FGF14: variants seen among roughly 807,000 people sequenced by gnomAD.
The protein encoded by FGF14 is fibroblast growth factor 14.
In FGF14, 5 loss-of-function variants were observed where a neutral mutation model predicts 25.5. The observed-to-expected ratio is 0.20, with a 90% CI of 0.10 to 0.41. The LOEUF (loss-of-function observed/expected upper bound fraction) is 0.41. Ranked by LOEUF, FGF14 falls within the 10% of genes least tolerant of loss-of-function variation. The probability of loss-of-function intolerance (pLI) is 1.00; values close to 1 mark genes in which losing one functional copy is unlikely to be tolerated. For synonymous variants in FGF14, 138 were observed against 118.3 expected, an observed-to-expected ratio of 1.17 and a Z score of -1.08; for missense variants, 222 against 320.1, an observed-to-expected ratio of 0.69 and a Z score of 2.34.
intron 3 of FGF14, among the ~76,000 whole-genome samples, chr13:101,815,025 G>A (rs765844451): frequency 6.6e-6 from 1 of 152,200 alleles, no homozygotes; most frequent in Non-Finnish European, 1.5e-5. Flanking sequence ...TACCAACAAG[G>A]TGGGTATCTA....
intron 3 of FGF14, among the ~76,000 whole-genome samples, chr13:101,812,863 C>T (rs2140193514): frequency 6.6e-6 from 1 of 151,282 alleles, no homozygotes; most frequent in African/African-American, 2.4e-5. Context: ...GATGGGGTTT[C>T]ACCATGTTGG....
chr13:101,790,982 G>C (rs1328223077), intron 3 of FGF14, among the ~76,000 whole-genome samples: 1 of 152,120 alleles, frequency 6.6e-6, no homozygotes, highest in Non-Finnish European at 1.5e-5. Context: ...GTTTTCTTTT[G>C]TTCTATCAAT....
chr13:102,197,334 T>C (rs1189270195), intron 1 of FGF14, among the ~76,000 whole-genome samples: 1 of 152,066 alleles, frequency 6.6e-6, no homozygotes, highest in African/African-American at 2.4e-5. Flanking sequence ...CAGCACCAAG[T>C]ACTACTGCCC....
At chr13:102,116,513 G>T (rs958027520) in intron 1 of FGF14, among the ~76,000 whole-genome samples, 1 of 152,118 alleles carries the variant, frequency 6.6e-6, no homozygotes, top group Non-Finnish European at 1.5e-5. Context: ...CTGATGTTAT[G>T]TCACAACATA....
intron 3 of FGF14, among the ~76,000 whole-genome samples, chr13:101,794,782 G>A (rs1382504538): frequency 6.6e-6 from 1 of 152,048 alleles, no homozygotes; most frequent in Non-Finnish European, 1.5e-5. Flanking sequence ...ACAATAGCTC[G>A]TGTTCAAGGT....
chr13:102,397,025 T>C (rs2058601751), intron 1 of FGF14, among the ~76,000 whole-genome samples: 1 of 152,196 alleles, frequency 6.6e-6, no homozygotes, highest in South Asian at 2.1e-4. Flanking sequence ...CAGTCTGAAT[T>C]TGATGTTTTC....
chr13:102,055,690 C>G (rs1046259539), intron 1 of FGF14, among the ~76,000 whole-genome samples: 4 of 152,178 alleles, frequency 2.6e-5, no homozygotes, highest in Non-Finnish European at 5.9e-5. Context: ...GGGGGCATAG[C>G]ACAACACAGG....
intron 3 of FGF14, among the ~76,000 whole-genome samples, chr13:101,838,049 C>A (rs139318436): frequency 2.0e-3 from 303 of 152,038 alleles, no homozygotes; most frequent in African/African-American, 6.8e-3. Flanking sequence ...AGTTCTTCAG[C>A]TTTGGGATTC....
At chr13:102,346,924 A>G (rs2057124285) in intron 1 of FGF14, among the ~76,000 whole-genome samples, 1 of 152,208 alleles carries the variant, frequency 6.6e-6, no homozygotes, top group African/African-American at 2.4e-5. Context: ...AAGAACAGCC[A>G]TATTCTAATG....
chr13:101,736,607 A>G (rs925645668), intron 3 of FGF14, among the ~76,000 whole-genome samples: 1 of 152,154 alleles, frequency 6.6e-6, no homozygotes, highest in African/African-American at 2.4e-5. Context: ...CCACTGCTCT[A>G]TTATACATGG....
At chr13:101,968,352 T>C (rs2037352802) in intron 1 of FGF14, among the ~76,000 whole-genome samples, 1 of 152,116 alleles carries the variant, frequency 6.6e-6, no homozygotes, top group Admixed American at 6.6e-5. Context: ...CAAAATCTTA[T>C]TTTAACAGCT....
intron 3 of FGF14, among the ~76,000 whole-genome samples, chr13:101,824,730 C>A (rs568835634): frequency 6.6e-6 from 1 of 152,068 alleles, no homozygotes; most frequent in African/African-American, 2.4e-5. Context: ...CCAGAGGAAC[C>A]GACCACGTGA....
intron 1 of FGF14, among the ~76,000 whole-genome samples, chr13:102,305,991 G>T (rs2055354563): frequency 6.6e-6 from 1 of 152,126 alleles, no homozygotes; most frequent in African/African-American, 2.4e-5. Flanking sequence ...TCAATGCCCT[G>T]CCCTGCCCAC....
At chr13:101,955,597 T>C (rs1477730686) in intron 1 of FGF14, among the ~76,000 whole-genome samples, 1 of 152,218 alleles carries the variant, frequency 6.6e-6, no homozygotes, top group Admixed American at 6.5e-5. Context: ...GCATTGGATG[T>C]GCGTGACACG....
chr13:102,337,190 A>C lies in FGF14; in HGVS notation c.208+64281T>G, dbSNP rs373181775. On this transcript the variant is annotated intron_variant, in intron 1 of 4. Coordinates refer to the FGF14 transcript ENST00000376131. ...CATTAAAAACATCTGGAAAGGATCC[A>C]CTGTTCCAGATGTCATTAAGAATAT... 8.5e-5 allele frequency among the ~76,000 whole-genome samples: 13 copies of C among 152,334 alleles called. No individual in the cohort carries two copies. In the East Asian group the frequency reaches 2.1e-3, roughly 25 times the overall value.
intron 1 of FGF14, among the ~76,000 whole-genome samples, chr13:102,383,923 C>G (rs1232110419): frequency 6.6e-6 from 1 of 152,010 alleles, no homozygotes; most frequent in Non-Finnish European, 1.5e-5. Context: ...ATTTTAATAT[C>G]TTTTTTAAAA....
chr13:102,359,887 T>C (rs1040288526), intron 1 of FGF14, among the ~76,000 whole-genome samples: 8 of 149,818 alleles, frequency 5.3e-5, no homozygotes, highest in African/African-American at 2.0e-4. Flanking sequence ...GGGAAAATAA[T>C]TTGCTGTGTT....
intron 3 of FGF14, among the ~76,000 whole-genome samples, chr13:101,836,954 G>C (rs1266909793): frequency 1.3e-5 from 2 of 151,980 alleles, no homozygotes; most frequent in African/African-American, 4.8e-5. Flanking sequence ...TTTTTAATTA[G>C]AATTGATAGC....
At position 102,391,732 on chromosome 13, in the gene FGF14, G is replaced by C. The variant is rs549080325; in HGVS notation, c.208+9739C>G. On this transcript the variant is annotated intron_variant, in intron 1 of 4. Coordinates refer to the FGF14 transcript ENST00000376131. ...ACTCATTTAGCAATGAAGGAGGAAA[G>C]AGCATATTGTGTTACTGCTTTCAAT... Among the ~76,000 whole-genome samples the C allele has an allele frequency of 7.9e-5, 12 of 152,326 alleles. No individual in the cohort carries two copies. In the South Asian group the frequency reaches 2.1e-3, roughly 26 times the overall value.
Sources: gnomAD v4.1 joint callset for allele counts (sites outside exome capture counted in the v4.1 genomes callset) on GRCh38, gnomAD v4.1.1 for gene constraint, MANE v1.5 for transcripts, NCBI Gene and HGNC (gene_info 2026-07-23, HGNC 2026-07-21) for gene names.